Variants in SULT1C3 observed in about 807,000 individuals in gnomAD.
SULT1C3 encodes sulfotransferase 1C3.
SULT1C3 carries 31 observed loss-of-function variants against 28.4 expected under a neutral mutation model. The observed-to-expected ratio is 1.09, with a 90% CI of 0.82 to 1.47. The LOEUF (loss-of-function observed/expected upper bound fraction) is 1.47, where lower values mean the gene tolerates loss of function less well. SULT1C3 is among the 40% of genes most tolerant of loss of function. SULT1C3 has a pLI of 0.00. For missense variants in SULT1C3, 307 were observed against 272.5 expected, an observed-to-expected ratio of 1.13 and a Z score of -0.89; for synonymous variants, 106 against 92.2, an observed-to-expected ratio of 1.15 and a Z score of -0.86.
chr2:108,259,183 A>AAATTTTCTACCCTATATGCTAAAAT (rs1439052384), intron 7 of SULT1C3, 37 bp downstream of exon 7: 6 of 285,766 alleles, frequency 2.1e-5, no homozygotes, highest in Non-Finnish European at 4.1e-5. Flanking sequence ...GAACTCTAAA[A>AAATTTTCTACCCTATATGCTAAAAT]AATTTTCTAC....
chr2:108,250,770 A>G (rs1558663172), intron 2 of SULT1C3, among the ~76,000 whole-genome samples: 1 of 152,080 alleles, frequency 6.6e-6, no homozygotes, highest in African/African-American at 2.4e-5. Flanking sequence ...GAATCCCAAA[A>G]TAATGAGGGT....
intron 5 of SULT1C3, among the ~76,000 whole-genome samples, 181 bp from the exon 6 acceptor site, chr2:108,258,553 T>C (rs1558666108): frequency 1.3e-5 from 2 of 152,154 alleles, no homozygotes; most frequent in East Asian, 1.9e-4. Context: ...ATAATAAATG[T>C]GTACTATAAA....
chr2:108,245,450 C>G (rs902030332), intron 1 of SULT1C3, among the ~76,000 whole-genome samples: 29 of 152,188 alleles, frequency 1.9e-4, no homozygotes, highest in Non-Finnish European at 2.5e-4. Flanking sequence ...TTCTGGTTAA[C>G]TTCCAGACTT....
chr2:108,251,343 G>A (rs1423713685), intron 2 of SULT1C3, among the ~76,000 whole-genome samples: 2 of 152,020 alleles, frequency 1.3e-5, no homozygotes, highest in Admixed American at 6.6e-5. Flanking sequence ...AAAATATGAG[G>A]AGAACTGGCT....
chr2:108,255,051 C>T (rs1397947052), intron 4 of SULT1C3, among the ~76,000 whole-genome samples: 1 of 151,938 alleles, frequency 6.6e-6, no homozygotes, highest in Admixed American at 6.6e-5. Flanking sequence ...TGAAGGATAA[C>T]ACCTATTCTC....
intron 2 of SULT1C3, among the ~76,000 whole-genome samples, chr2:108,251,050 T>C (rs1006014081): frequency 6.6e-6 from 1 of 152,006 alleles, no homozygotes. Context: ...TGAAGTTTAT[T>C]TCAAAAAACG....
At chr2:108,257,549 A>C (rs1459275849) in intron 5 of SULT1C3, among the ~76,000 whole-genome samples, 2 of 151,998 alleles carry the variant, frequency 1.3e-5, no homozygotes, top group Non-Finnish European at 2.9e-5. Context: ...AGTCACCCAC[A>C]ATCAACCCCA....
intron 2 of SULT1C3, among the ~76,000 whole-genome samples, chr2:108,250,513 A>C (rs1573218338): frequency 6.6e-6 from 1 of 151,914 alleles, no homozygotes; most frequent in Non-Finnish European, 1.5e-5. Flanking sequence ...CTAAACATGC[A>C]CCTACCACAC....
downstream of SULT1C3, among the ~76,000 whole-genome samples, chr2:108,264,218 T>C (rs1201499572): frequency 4.6e-5 from 7 of 152,176 alleles, no homozygotes; most frequent in Non-Finnish European, 1.5e-5. Context: ...ATCCTAGAAT[T>C]ACAAAACTAG....
rs759568527 is a variant in SULT1C3, at chr2:108,252,433, G to C, written c.241G>C (p.Ala81Pro). Residue 81 changes from alanine to proline, a missense_variant, in exon 3 of 8, where the codon GCC (alanine) becomes CCC (proline). Transcript: ENST00000681802. ...NDGDVEKCKR[A>P]QTLDRHAFLE... ...TGGTGATGTGGAGAAATGCAAAAGAGCCCAGACTCTAGATAGACACGCTTT... is the reference window on the plus strand; with the variant it reads ...TGGTGATGTGGAGAAATGCAAAAGACCCCAGACTCTAGATAGACACGCTTT... 6.2e-7 allele frequency: 1 copy of C among 1,612,438 alleles called. No homozygotes were observed. The highest frequency in any genetic ancestry group is 1.1e-5 in the South Asian group (1 of 90,940).
chr2:108,264,472 C>T (rs1402243099), downstream of SULT1C3, among the ~76,000 whole-genome samples: 3 of 152,152 alleles, frequency 2.0e-5, no homozygotes, highest in Admixed American at 6.5e-5. Context: ...TTCACACAGC[C>T]TTTCCTGTTC....
chr2:108,264,900 A>G (rs751297196), downstream of SULT1C3: 5 of 1,613,922 alleles, frequency 3.1e-6, no homozygotes, highest in Non-Finnish European at 4.2e-6. Context: ...GAATAAAATC[A>G]TCTATCACAC....
At chr2:108,247,859 T>G (rs964752599) in intron 2 of SULT1C3, among the ~76,000 whole-genome samples, 1 of 152,170 alleles carries the variant, frequency 6.6e-6, no homozygotes, top group Non-Finnish European at 1.5e-5. Context: ...GACCTTGATT[T>G]AAAATGCCTT....
At chr2:108,258,519 T>C (rs1675932600) in intron 5 of SULT1C3, among the ~76,000 whole-genome samples, 2 of 152,142 alleles carry the variant, frequency 1.3e-5, no homozygotes, top group Non-Finnish European at 2.9e-5. Context: ...TCACAAGACA[T>C]AGTCAATGTG....
chr2:108,245,271 C>T (rs1045654912), intron 1 of SULT1C3, among the ~76,000 whole-genome samples: 2 of 152,092 alleles, frequency 1.3e-5, no homozygotes, highest in African/African-American at 2.4e-5. Flanking sequence ...CTTTTATTTC[C>T]CTTTGACCTC....
At chr2:108,244,733 G>A (rs1015814067) in intron 1 of SULT1C3, among the ~76,000 whole-genome samples, 1 of 152,192 alleles carries the variant, frequency 6.6e-6, no homozygotes, top group Non-Finnish European at 1.5e-5. Flanking sequence ...GTCCTGCAAT[G>A]AGAAGGGAAC....
At chr2:108,247,648 CA>C (rs763702146) in intron 2 of SULT1C3, among the ~76,000 whole-genome samples, 3 of 152,156 alleles carry the variant, frequency 2.0e-5, no homozygotes, top group Non-Finnish European at 4.4e-5. Flanking sequence ...ATAAGGTCAA[CA>C]AATTGAAAGA....
intron 2 of SULT1C3, among the ~76,000 whole-genome samples, chr2:108,251,061 T>C (rs1675715180): frequency 6.6e-6 from 1 of 152,054 alleles, no homozygotes; most frequent in South Asian, 2.1e-4. Flanking sequence ...TCAAAAAACG[T>C]GATTCCATAA....
chr2:108,242,675 T>G (rs1452317039), intron 1 of SULT1C3, among the ~76,000 whole-genome samples: 1 of 152,178 alleles, frequency 6.6e-6, no homozygotes, highest in Non-Finnish European at 1.5e-5. Context: ...ACACAATACA[T>G]AACAGAACAG....
Sources: allele counts gnomAD v4.1 joint callset (sites outside exome capture counted in the v4.1 genomes callset), GRCh38; gene constraint gnomAD v4.1.1; transcripts MANE v1.5; gene names NCBI Gene and HGNC (gene_info 2026-07-23, HGNC 2026-07-21).